GRK1: variants seen among roughly 807,000 people sequenced by gnomAD.
The protein encoded by GRK1 is rhodopsin kinase GRK1.
GRK1 carries 28 observed loss-of-function variants against 41.7 expected under a neutral mutation model. That is an observed-to-expected ratio of 0.67 (90% confidence interval 0.50 to 0.92). The LOEUF is 0.92. GRK1 is among the 40% of genes least tolerant of loss of function. GRK1 has a pLI of 0.00. For synonymous variants in GRK1, 327 were observed against 286.7 expected (o/e 1.14, Z -1.42); for missense variants, 703 against 671.2 (o/e 1.05, Z -0.52).
chr13:113,728,474 G>A lies in GRK1; in HGVS notation c.1070-2745G>A, dbSNP rs181523687. Among the ~76,000 whole-genome samples the A allele has an allele frequency of 2.1e-3, 322 of 151,626 alleles. 2 individuals are homozygous for A. The highest frequency in any genetic ancestry group is 3.8e-3 in the Non-Finnish European group (257 of 67,796). On this transcript the variant is annotated intron_variant, in intron 4 of 6. Coordinates refer to ENST00000335678, the MANE Select transcript of GRK1 (RefSeq NM_002929.3). ...GGCGAGGAGTACCCATGGTGATGAG[G>A]AGTACCCATGGCGATGAGGAGTACC...
chr13:113,667,603 C>G lies in GRK1; in HGVS notation c.217C>G (p.Gln73Glu), dbSNP rs2049827301. 1 of 1,613,598 alleles carries G rather than the reference C, an allele frequency of 6.2e-7. No homozygotes were observed. Among genetic ancestry groups the G allele is most frequent in the Non-Finnish European group, 8.5e-7 (1 of 1,179,886 alleles). Residue 73 changes from glutamine (Q) to glutamate (E), a missense_variant, in exon 1 of 7, where the codon CAG becomes GAG. By Grantham distance (29) the Gln-to-Glu change is conservative. Coordinates refer to ENST00000335678, the MANE Select transcript of GRK1 (RefSeq NM_002929.3). This position sits in a 1 kb window ranked among gnomAD's most constrained non-coding sequence, Gnocchi z 7.5. ...LEQPIGKKLF[Q>E]QFLQSAEKHL... ...GCAGCCCATCGGCAAGAAGCTCTTT[C>G]AGCAGTTCCTACAATCGGCAGAGAA... is the stretch of plus-strand genomic sequence containing the variant.
rs540415509 is a variant in GRK1, at chr13:113,668,052, C to T, written c.666C>T (p.Asn222=). 6.2e-7 allele frequency: 1 copy of T among 1,610,264 alleles called. No individual in the cohort carries two copies. Among genetic ancestry groups the T allele is most frequent in the African/African-American group, 1.3e-5 (1 of 74,986 alleles). The change falls in exon 1 of 7, where the codon AAC becomes AAT. Residue 222 remains asparagine (N), a synonymous_variant. Coordinates refer to ENST00000335678, the MANE Select transcript of GRK1 (RefSeq NM_002929.3). ...AGCTGTATGCCTGCAAGAAGCTGAA[C>T]AAGAAGCGGCTGAAGAAGAGGAAGG... The part of the protein sequence containing the change: ...TGKLYACKKL[N]KKRLKKRKGY...
In GRK1 at chr13:113,667,564, A is replaced by T. The variant is rs1235802388; in HGVS notation, c.178A>T (p.Ser60Cys). Reference protein sequence around the residue: ...LRDSLSLEFESVCLEQPIGKK... With the variant: ...LRDSLSLEFECVCLEQPIGKK... ...CGACAGCCTCAGCCTGGAGTTTGAG[A>T]GTGTGTGCTTGGAGCAGCCCATCGG... is the stretch of plus-strand genomic sequence containing the variant. The change falls in exon 1 of 7, where the codon AGT becomes TGT. Residue 60 changes from serine (S) to cysteine (C), a missense_variant. Transcript: ENST00000335678. The surrounding 1 kb of genome is among the most constrained non-coding windows in gnomAD (Gnocchi z 7.5). 1.9e-6 allele frequency: 3 copies of T among 1,613,584 alleles called. No individual in the cohort carries two copies. Among genetic ancestry groups the T allele is most frequent in the East Asian group, 2.2e-5 (1 of 44,882 alleles).
intron 1 of GRK1, 29 bp from the exon 2 acceptor site, chr13:113,669,658 C>CA (rs1417445518): frequency 6.2e-7 from 1 of 1,613,536 alleles, no homozygotes. Flanking sequence ...TATTCAAAGC[C>CA]AGTGCGTACT....
At chr13:113,651,641 C>A in the GRK1 span, 2 of 1,572,686 alleles carry the variant, frequency 1.3e-6, no homozygotes, top group Non-Finnish European at 1.7e-6. Flanking sequence ...TTTCCTGGGG[C>A]AGCCCTGCCC....
chr13:113,651,312 T>C, the GRK1 span, among the ~76,000 whole-genome samples: 1 of 152,352 alleles, frequency 6.6e-6, no homozygotes, highest in East Asian at 1.9e-4. Flanking sequence ...GTTAAACAAC[T>C]GTAGCTGCTG....
intron 1 of GRK1, 59 bp from the exon 2 acceptor site, chr13:113,669,627 CG>C: frequency 6.2e-7 from 1 of 1,603,248 alleles, no homozygotes; most frequent in Non-Finnish European, 8.5e-7. Context: ...ACGGTCTCTG[CG>C]ATGCACCTAG....
At chr13:113,733,927 T>TAC (rs771494414) in intron 6 of GRK1, among the ~76,000 whole-genome samples, 3 of 78,270 alleles carry the variant, frequency 3.8e-5, no homozygotes, top group Admixed American at 1.1e-4. Flanking sequence ...CGTGTGTGCA[T>TAC]GTGTGCATAC....
chr13:113,657,594 G>A, the GRK1 span, among the ~76,000 whole-genome samples: 8 of 152,230 alleles, frequency 5.3e-5, no homozygotes, highest in Non-Finnish European at 1.0e-4. Context: ...GCATCTGGAC[G>A]CCAGCGGGTG....
chr13:113,651,800 G>T, the GRK1 span: 1 of 1,558,000 alleles, frequency 6.4e-7, no homozygotes, highest in Non-Finnish European at 8.7e-7. Flanking sequence ...ACCCACCCAT[G>T]GAGCTGAGAT....
At chr13:113,727,565 T>C (rs1594576061) in intron 4 of GRK1, among the ~76,000 whole-genome samples, 1 of 151,514 alleles carries the variant, frequency 6.6e-6, no homozygotes, top group African/African-American at 2.4e-5. Flanking sequence ...CCCATGGCGA[T>C]GAGGACCCAT....
At chr13:113,654,732 G>T in the GRK1 span, 3 of 1,515,808 alleles carry the variant, frequency 2.0e-6, no homozygotes, top group South Asian at 1.3e-5. Flanking sequence ...GGGAGGGCAC[G>T]GGTCCCCCGG....
the GRK1 span, among the ~76,000 whole-genome samples, chr13:113,650,925 A>G: frequency 2.0e-5 from 3 of 152,140 alleles, no homozygotes; most frequent in Non-Finnish European, 4.4e-5. The surrounding 1 kb of genome is among the most constrained non-coding windows in gnomAD (Gnocchi z 5.0). Context: ...TCAGAAGCAG[A>G]GGCTTGCCCA....
chr13:113,667,440 C>T lies in GRK1; in HGVS notation c.54C>T (p.Ala18=), dbSNP rs189155712. The change falls in exon 1 of 7, where the codon GCC becomes GCT. Residue 18 remains alanine, a synonymous_variant. Coordinates refer to ENST00000335678, the MANE Select transcript of GRK1 (RefSeq NM_002929.3). The surrounding 1 kb of genome is among the most constrained non-coding windows in gnomAD (Gnocchi z 7.5). ...TVVANSAFIA[A]RGSFDGSSSQ... ...TGGCCAACTCTGCCTTCATCGCCGC[C>T]CGAGGCAGCTTTGACGGCAGCAGCT... 2.6e-5 allele frequency: 42 copies of T among 1,606,138 alleles called. No homozygotes were observed. In the African/African-American group the frequency reaches 4.3e-4, roughly 16 times the overall value.
the GRK1 span, among the ~76,000 whole-genome samples, chr13:113,658,487 T>C: frequency 6.6e-6 from 1 of 152,054 alleles, no homozygotes; most frequent in Admixed American, 6.5e-5. Flanking sequence ...CCTTCCCTCC[T>C]CTCCTTCAGG....
chr13:113,729,715 T>C (rs2049919600), intron 4 of GRK1, among the ~76,000 whole-genome samples: 1 of 152,144 alleles, frequency 6.6e-6, no homozygotes, highest in Admixed American at 6.5e-5. Context: ...CCGCCCTCTG[T>C]CCTGTGACGG....
At chr13:113,658,039 G>T in the GRK1 span, 6 of 1,600,526 alleles carry the variant, frequency 3.7e-6, no homozygotes, top group African/African-American at 2.7e-5. Context: ...GTACCCCACC[G>T]GGACAGGGTG....
chr13:113,733,705 G>GCA, intron 6 of GRK1, among the ~76,000 whole-genome samples: 2 of 145,570 alleles, frequency 1.4e-5, no homozygotes, highest in African/African-American at 2.6e-5. Flanking sequence ...ACATGTGTGC[G>GCA]TGTGTGCGCA....
chr13:113,652,991 T>G, the GRK1 span: 1 of 1,614,174 alleles, frequency 6.2e-7, no homozygotes, highest in Non-Finnish European at 8.5e-7. Flanking sequence ...CTTGGTGTGG[T>G]TGGGAGCGCG....
Sources: allele counts gnomAD v4.1 joint callset (sites outside exome capture counted in the v4.1 genomes callset), GRCh38; gene constraint gnomAD v4.1.1; non-coding constraint Gnocchi (gnomAD v3.1); transcripts MANE v1.5; gene names NCBI Gene and HGNC (gene_info 2026-07-23, HGNC 2026-07-21).